The following COBL variants were observed in gnomAD, a reference collection of about 807,000 sequenced individuals.
COBL encodes protein cordon-bleu.
A neutral mutation model predicts 98.8 loss-of-function variants in COBL; 51 were observed. The ratio of observed to expected loss-of-function variants is 0.52; its 90% confidence interval spans 0.41 to 0.65. The LOEUF (loss-of-function observed/expected upper bound fraction) is 0.65, where lower values mean the gene tolerates loss of function less well. Ranked by LOEUF, COBL falls within the 30% of genes least tolerant of loss-of-function variation. COBL has a pLI of 0.00. For synonymous variants in COBL, 634 were observed against 651.7 expected, an observed-to-expected ratio of 0.97 and a Z score of 0.41; for missense variants, 1,617 against 1,617.5, an observed-to-expected ratio of 1.00 and a Z score of 0.01.
chr7:51,300,628 C>T (rs150597591), intron 1 of COBL, among the ~76,000 whole-genome samples: 1,626 of 152,260 alleles, frequency 0.011, 22 homozygotes, highest in African/African-American at 0.037. Context: ...GCCCAAGTGA[C>T]GCAGGAACGC....
chr7:51,029,645 T>C lies in COBL; in HGVS notation c.1505-54A>G, dbSNP rs569801763. 17 of 1,426,386 alleles carry C rather than the reference T, an allele frequency of 1.2e-5. No homozygotes were observed. The African/African-American group carries it at 2.4e-4, about 20-fold the overall frequency. 88.4% of individuals were successfully genotyped at this position (1,426,386 alleles called of 1,614,324 possible). Reference sequence around the variant, plus strand: ...GATGTTTCCCACACCAATTACTTAGTGTAACTGCAGCCATGACTTTGATTT... The same window carrying C: ...GATGTTTCCCACACCAATTACTTAGCGTAACTGCAGCCATGACTTTGATTT... On this transcript the variant is annotated intron_variant, in intron 9 of 12. Coordinates refer to ENST00000265136, the MANE Select transcript of COBL (RefSeq NM_015198.5).
intron 12 of COBL, among the ~76,000 whole-genome samples, chr7:51,024,100 G>C (rs887406806): frequency 6.6e-6 from 1 of 152,208 alleles, no homozygotes; most frequent in Non-Finnish European, 1.5e-5. Context: ...ATGAGGTCAG[G>C]AGATCGAGAC....
At chr7:51,088,061 G>GC (rs35638539) in intron 6 of COBL, among the ~76,000 whole-genome samples, 58,443 of 151,642 alleles carry the variant, frequency 0.39, 11,765 homozygotes, top group African/African-American at 0.51. Flanking sequence ...CATAGTATCT[G>GC]CTTTTCCTCT....
intron 6 of COBL, among the ~76,000 whole-genome samples, chr7:51,128,369 G>GTA (rs1157664559): frequency 2.0e-5 from 3 of 152,190 alleles, no homozygotes; most frequent in Non-Finnish European, 4.4e-5. Context: ...ATGTGTGCGT[G>GTA]TATGTGTGTG....
intron 1 of COBL, among the ~76,000 whole-genome samples, chr7:51,241,162 G>T (rs1474545269): frequency 1.3e-5 from 2 of 152,216 alleles, no homozygotes; most frequent in Non-Finnish European, 2.9e-5. Context: ...GTTTTTTAAG[G>T]ATTATTAGAG....
chr7:51,282,652 T>A (rs1799910063), intron 1 of COBL, among the ~76,000 whole-genome samples: 1 of 151,838 alleles, frequency 6.6e-6, no homozygotes, highest in Admixed American at 6.6e-5. Context: ...ACACAGAAAA[T>A]CAACAGGAAT....
At chr7:51,173,484 A>G (rs1788078903) in intron 5 of COBL, among the ~76,000 whole-genome samples, 3 of 152,186 alleles carry the variant, frequency 2.0e-5, no homozygotes, top group South Asian at 2.1e-4. Context: ...CTCCTGGCCC[A>G]AGGACTTCAG....
intron 1 of COBL, among the ~76,000 whole-genome samples, chr7:51,284,564 C>G (rs1228709955): frequency 6.6e-6 from 1 of 151,442 alleles, no homozygotes; most frequent in Admixed American, 6.6e-5. Context: ...CATGGTGGCT[C>G]ATGCCTGTAA....
chr7:51,166,285 C>A (rs2129039175), intron 5 of COBL, among the ~76,000 whole-genome samples: 1 of 151,924 alleles, frequency 6.6e-6, no homozygotes, highest in South Asian at 2.1e-4. Context: ...ACAACTAACA[C>A]CGCAGAAATT....
chr7:51,169,252 G>T (rs1172056222), intron 5 of COBL, among the ~76,000 whole-genome samples: 1 of 152,120 alleles, frequency 6.6e-6, no homozygotes, highest in Non-Finnish European at 1.5e-5. Context: ...TGAGCTGGAA[G>T]TCCCCCAACA....
In COBL at chr7:51,127,441, C is replaced by G. The variant is rs75243193; in HGVS notation, c.957+8717G>C. ...AGGGAACAAACCAAGAGTATTTTTC[C>G]CTCTGCTACAGGGACAGACGCAACT... On this transcript the variant is annotated intron_variant, in intron 6 of 12. Transcript: ENST00000265136. 6.4e-3 allele frequency among the ~76,000 whole-genome samples: 968 copies of G among 152,276 alleles called. 7 individuals are homozygous for G. The highest frequency in any genetic ancestry group is 0.022 in the African/African-American group (914 of 41,560).
intron 1 of COBL, among the ~76,000 whole-genome samples, chr7:51,255,544 G>A (rs1015272536): frequency 6.6e-6 from 1 of 152,190 alleles, no homozygotes; most frequent in African/African-American, 2.4e-5. Flanking sequence ...GGAGGAACAT[G>A]CTCAGAAGTT....
chr7:51,124,971 C>T (rs1798071624), intron 6 of COBL, among the ~76,000 whole-genome samples: 2 of 152,130 alleles, frequency 1.3e-5, no homozygotes. Flanking sequence ...GCCACCACAT[C>T]CAGCTAATTT....
chr7:51,314,546 C>T (rs1048788952), intron 1 of COBL, among the ~76,000 whole-genome samples: 2 of 152,122 alleles, frequency 1.3e-5, no homozygotes, highest in African/African-American at 2.4e-5. Context: ...ATTCGAAGAC[C>T]TAACACCATT....
intron 7 of COBL, among the ~76,000 whole-genome samples, chr7:51,061,226 A>ATGTT (rs1791321130): frequency 6.6e-6 from 1 of 152,082 alleles, no homozygotes; most frequent in Admixed American, 6.5e-5. Flanking sequence ...TGTTAAGAAT[A>ATGTT]TGTTTGTGTG....
chr7:51,088,907 C>T (rs973611692), intron 6 of COBL, among the ~76,000 whole-genome samples: 1 of 152,136 alleles, frequency 6.6e-6, no homozygotes, highest in African/African-American at 2.4e-5. Flanking sequence ...TGTGGGTTTT[C>T]GCTTATCCCT....
At chr7:51,245,943 A>G (rs909084100) in intron 1 of COBL, among the ~76,000 whole-genome samples, 1 of 152,256 alleles carries the variant, frequency 6.6e-6, no homozygotes, top group Non-Finnish European at 1.5e-5. Flanking sequence ...AAATGATTTT[A>G]GCAAAAATAA....
chr7:51,299,171 TACACACACAC>T (rs139865540), intron 1 of COBL, among the ~76,000 whole-genome samples: 3 of 148,798 alleles, frequency 2.0e-5, no homozygotes, highest in African/African-American at 7.4e-5. Context: ...CACACATACA[TACACACACAC>T]ACACACACAC....
At chr7:51,164,741 T>A (rs1787127817) in intron 5 of COBL, among the ~76,000 whole-genome samples, 1 of 152,070 alleles carries the variant, frequency 6.6e-6, no homozygotes, top group South Asian at 2.1e-4. Context: ...CTATGGTGTA[T>A]AAACTACTCT....
Sources: gnomAD v4.1 joint callset for allele counts (sites outside exome capture counted in the v4.1 genomes callset) on GRCh38, gnomAD v4.1.1 for gene constraint, MANE v1.5 for transcripts, NCBI Gene and HGNC (gene_info 2026-07-23, HGNC 2026-07-21) for gene names.